Variants in SATL1 observed in about 807,000 individuals in gnomAD.
SATL1 encodes the protein spermidine/spermine N1-acetyl transferase like 1, also known as spermidine/spermine N(1)-acetyltransferase-like protein 1.
In SATL1, 47 loss-of-function variants were observed where a neutral mutation model predicts 51.8. That is an observed-to-expected ratio of 0.91 (90% CI 0.72 to 1.16). SATL1 has a LOEUF of 1.16. Among genes scored for constraint, SATL1 ranks in the 50% most tolerant of loss-of-function variants. SATL1 has a pLI of 0.00. For missense variants in SATL1, 520 were observed against 526.4 expected (o/e 0.99, Z 0.12); for synonymous variants, 176 against 182.4 (o/e 0.97, Z 0.28).
chrX:85,095,189 C>T (rs941203256), intron 4 of SATL1, among the ~76,000 whole-genome samples, 193 bp from the exon 5 acceptor site: 2 of 112,161 alleles, frequency 1.8e-5, no homozygotes, highest in South Asian at 3.7e-4. Flanking sequence ...GGCTGGTCAA[C>T]TGCAGTTAAT....
intron 4 of SATL1, among the ~76,000 whole-genome samples, chrX:85,101,416 C>A (rs1459452701): frequency 1.8e-5 from 2 of 111,871 alleles, no homozygotes; most frequent in Non-Finnish European, 3.8e-5. Context: ...TACAATGGGT[C>A]AATAAGCACA....
chrX:85,170,344 A>G (rs1602887838), intron 2 of SATL1, among the ~76,000 whole-genome samples: 1 of 111,638 alleles, frequency 9.0e-6, no homozygotes, highest in East Asian at 2.8e-4. Context: ...AAGGAATCTC[A>G]GTAATTGAAC....
chrX:85,203,411 G>A (rs925312415), intron 2 of SATL1, among the ~76,000 whole-genome samples: 22 of 111,661 alleles, frequency 2.0e-4, no homozygotes, highest in African/African-American at 6.8e-4. Flanking sequence ...CCAAAGGCTG[G>A]AATGGCTAAG....
intron 2 of SATL1, chrX:85,153,945 G>A (rs1018598319): frequency 1.8e-5 from 2 of 111,665 alleles, no homozygotes; most frequent in African/African-American, 6.5e-5. Flanking sequence ...GAGAATGATG[G>A]CAAATCTCTT....
chrX:85,212,935 A>G (rs1247893446), intron 2 of SATL1: 1 of 111,910 alleles, frequency 8.9e-6, no homozygotes, highest in Admixed American at 9.5e-5. Flanking sequence ...AGAATTAGAC[A>G]AATTATGTCA....
chrX:85,214,445 C>T (rs1927994865), intron 2 of SATL1, among the ~76,000 whole-genome samples: 1 of 111,507 alleles, frequency 9.0e-6, no homozygotes, highest in African/African-American at 3.3e-5. Flanking sequence ...ACCTCCAAAA[C>T]TGGGAATCAC....
chrX:85,151,636 A>G (rs1364322559), intron 2 of SATL1, among the ~76,000 whole-genome samples: 1 of 111,351 alleles, frequency 9.0e-6, no homozygotes, highest in Non-Finnish European at 1.9e-5. Flanking sequence ...CCAATGGAAC[A>G]GAACAGAGCC....
Position 85,107,625 on chromosome X carries a change from C to T in SATL1, c.1344G>A (p.Gln448=). The change falls in exon 3 of 8, where the codon CAG becomes CAA. Residue 448 remains glutamine (Q), a synonymous_variant. Transcript: ENST00000644105. ...TCATGCCTAGTTGGCTGGGGACTTG[C>T]TGGCTCATGCCTGGTTGCCACATGC... ...QRGMWQPGMS[Q]QVPSQLGMRQ... is the part of the protein sequence containing the mutation. 8.3e-7 allele frequency: 1 copy of T among 1,211,739 alleles called. No homozygotes were observed. Among genetic ancestry groups the T allele is most frequent in the Non-Finnish European group, 1.1e-6 (1 of 895,503 alleles).
intron 2 of SATL1, among the ~76,000 whole-genome samples, chrX:85,177,346 T>C (rs779396796): frequency 1.2e-4 from 13 of 112,168 alleles, no homozygotes; most frequent in African/African-American, 3.9e-4. Context: ...GAACTCACTG[T>C]ACTATTTTTG....
At chrX:85,104,729 T>G (rs946944294) in intron 3 of SATL1, among the ~76,000 whole-genome samples, 6 of 111,699 alleles carry the variant, frequency 5.4e-5, no homozygotes, top group African/African-American at 1.6e-4. Flanking sequence ...ATGTACCCTA[T>G]GTACATCCTC....
At chrX:85,164,913 G>A (rs1447420561) in intron 2 of SATL1, among the ~76,000 whole-genome samples, 4 of 109,918 alleles carry the variant, frequency 3.6e-5, no homozygotes, top group Non-Finnish European at 7.6e-5. Flanking sequence ...TAACAGAGAC[G>A]GGCTTTCTCC....
chrX:85,202,955 T>C (rs754539623), intron 2 of SATL1, among the ~76,000 whole-genome samples: 1 of 112,026 alleles, frequency 8.9e-6, no homozygotes, highest in East Asian at 2.8e-4. Context: ...ACTGATTTGG[T>C]ACTGGCTCAG....
intron 2 of SATL1, among the ~76,000 whole-genome samples, chrX:85,206,618 A>G (rs1333750153): frequency 9.0e-6 from 1 of 111,136 alleles, no homozygotes; most frequent in Non-Finnish European, 1.9e-5. Flanking sequence ...ATAAATTGAA[A>G]ACTGAAAGAG....
chrX:85,230,449 T>G (rs897205591), intron 1 of SATL1, among the ~76,000 whole-genome samples: 1 of 112,120 alleles, frequency 8.9e-6, no homozygotes, highest in Admixed American at 9.4e-5. Flanking sequence ...TATTTAAACA[T>G]AAGACCTAAA....
intron 2 of SATL1, among the ~76,000 whole-genome samples, chrX:85,149,752 T>C (rs1420172805): frequency 1.8e-5 from 2 of 111,518 alleles, no homozygotes; most frequent in Non-Finnish European, 3.8e-5. Flanking sequence ...AATAAAGATG[T>C]TCTTTGAAAC....
At chrX:85,093,252 A>T (rs759646746) in intron 6 of SATL1, 27 bp from the exon 7 acceptor site, 5 of 1,145,558 alleles carry the variant, frequency 4.4e-6, no homozygotes, top group Non-Finnish European at 4.7e-6. Context: ...GCAAAGTGAA[A>T]ACTGCAAATT....
At chrX:85,136,572 A>C (rs1301607783) in intron 2 of SATL1, among the ~76,000 whole-genome samples, 8 of 112,070 alleles carry the variant, frequency 7.1e-5, no homozygotes, top group Non-Finnish European at 1.9e-5. Context: ...GCAAATGTTC[A>C]CAGAAGATCA....
intron 2 of SATL1, among the ~76,000 whole-genome samples, chrX:85,140,107 A>C (rs139197203): frequency 0.023 from 2,542 of 111,560 alleles, 69 homozygotes; most frequent in African/African-American, 0.078. Flanking sequence ...CATTTGAACC[A>C]ATCTAATACT....
intron 2 of SATL1, among the ~76,000 whole-genome samples, chrX:85,135,606 C>G (rs757963412): frequency 2.8e-5 from 3 of 108,436 alleles, no homozygotes; most frequent in African/African-American, 1.0e-4. Flanking sequence ...GGGCCTCACT[C>G]TGTCACCCAG....
Sources: allele counts gnomAD v4.1 joint callset (sites outside exome capture counted in the v4.1 genomes callset), GRCh38; gene constraint gnomAD v4.1.1; transcripts MANE v1.5; gene names NCBI Gene and HGNC (gene_info 2026-07-23, HGNC 2026-07-21).